The following ANKS1B variants were observed in gnomAD, a reference collection of about 807,000 sequenced individuals.
ANKS1B encodes the protein ankyrin repeat and sterile alpha motif domain-containing protein 1B.
ANKS1B carries 36 observed loss-of-function variants against 148.3 expected under a neutral mutation model. That is an observed-to-expected ratio of 0.24 (90% confidence interval 0.19 to 0.32). The LOEUF (loss-of-function observed/expected upper bound fraction) is 0.32. ANKS1B is among the 10% of genes least tolerant of loss of function. ANKS1B has a pLI of 1.00. For synonymous variants in ANKS1B, 542 were observed against 560.8 expected (o/e 0.97, Z 0.47); for missense variants, 1,157 against 1,542.6 (o/e 0.75, Z 4.19).
At chr12:99,136,186 T>C (rs550073037) in intron 15 of ANKS1B, among the ~76,000 whole-genome samples, 2 of 152,334 alleles carry the variant, frequency 1.3e-5, no homozygotes, top group African/African-American at 2.4e-5. Flanking sequence ...ACCATCATTA[T>C]CATGGGTGCC....
chr12:99,284,910 G>A (rs941123634), intron 12 of ANKS1B, among the ~76,000 whole-genome samples: 6 of 152,028 alleles, frequency 3.9e-5, no homozygotes, highest in African/African-American at 1.4e-4. Context: ...GCTTGTGTAT[G>A]TTTGTACATA....
rs140690996 is a variant in ANKS1B at position 99,916,715 on chromosome 12, C to CA, written c.134+67388dup. ...TGTGCCACCCTCAGAATGCTTCCTGCAAAAAAACCATACGGCTCATGGATG... is the reference window on the plus strand; with the variant it reads ...TGTGCCACCCTCAGAATGCTTCCTGCAAAAAAAACCATACGGCTCATGGATG... On this transcript the variant is annotated intron_variant, in intron 1 of 26. Transcript: ENST00000683438. 8.7e-3 allele frequency among the ~76,000 whole-genome samples: 1,327 copies of CA among 152,136 alleles called. 24 individuals carry two copies. Among genetic ancestry groups the CA allele is most frequent in the African/African-American group, 0.03 (1,259 of 41,520 alleles).
At chr12:99,215,309 G>A (rs1250970279) in intron 14 of ANKS1B, among the ~76,000 whole-genome samples, 1 of 152,222 alleles carries the variant, frequency 6.6e-6, no homozygotes, top group African/African-American at 2.4e-5. Context: ...CCCTCATGGG[G>A]AACTTCTGCT....
chr12:99,499,513 G>A (rs966509273), intron 10 of ANKS1B, among the ~76,000 whole-genome samples: 1 of 152,020 alleles, frequency 6.6e-6, no homozygotes. Flanking sequence ...CTTCATCAAG[G>A]GGAGGCAAGA....
chr12:99,326,408 C>T (rs1419780471), intron 12 of ANKS1B, among the ~76,000 whole-genome samples: 1 of 152,092 alleles, frequency 6.6e-6, no homozygotes, highest in Non-Finnish European at 1.5e-5. Flanking sequence ...AACAATGCTT[C>T]AGCTCACTCC....
intron 9 of ANKS1B, among the ~76,000 whole-genome samples, chr12:99,586,793 G>C (rs1446128372): frequency 1.3e-5 from 2 of 152,190 alleles, no homozygotes; most frequent in East Asian, 1.9e-4. Context: ...TGCAGGCAAA[G>C]AGTATGTGCG....
chr12:99,399,686 T>C lies in ANKS1B; in HGVS notation c.1701A>G (p.Pro567=). The change falls in exon 12 of 27, where the codon CCA becomes CCG. Residue 567 remains proline, a synonymous_variant. Transcript: ENST00000683438. ...CTGTGGTTCCCACAGAAGAGGTGGG[T>C]GGACTAGCAGGAGGACTGGCAGTAA... ...TSFTASPPAS[P]PTSSVGTTEV... is the part of the protein sequence containing the mutation. 1 of 1,613,478 alleles carries C rather than the reference T, an allele frequency of 6.2e-7. No individual in the cohort carries two copies. Among genetic ancestry groups the C allele is most frequent in the Non-Finnish European group, 8.5e-7 (1 of 1,179,506 alleles).
intron 12 of ANKS1B, among the ~76,000 whole-genome samples, chr12:99,262,343 A>T (rs192351060): frequency 4.2e-4 from 64 of 152,248 alleles, no homozygotes; most frequent in Admixed American, 2.0e-3. Context: ...AGGCTGGAAC[A>T]TAGTGGATAA....
intron 17 of ANKS1B, among the ~76,000 whole-genome samples, chr12:98,981,079 G>A (rs933035010): frequency 4.6e-5 from 7 of 151,882 alleles, no homozygotes; most frequent in Non-Finnish European, 1.0e-4. Flanking sequence ...GCTGAGGAGG[G>A]AGGACTGCTT....
chr12:99,109,835 G>A (rs1162426339), intron 15 of ANKS1B, among the ~76,000 whole-genome samples: 1 of 152,076 alleles, frequency 6.6e-6, no homozygotes, highest in Non-Finnish European at 1.5e-5. Flanking sequence ...CTCTTACAGT[G>A]GGGAAACAGT....
At chr12:99,813,885 A>G (rs1024957402) in intron 2 of ANKS1B, among the ~76,000 whole-genome samples, 17 of 151,902 alleles carry the variant, frequency 1.1e-4, no homozygotes, top group Middle Eastern at 3.4e-3. Context: ...GTGATTCCGG[A>G]GAAATGATAA....
chr12:99,639,202 T>G (rs1052137501), intron 9 of ANKS1B, among the ~76,000 whole-genome samples: 1 of 152,208 alleles, frequency 6.6e-6, no homozygotes, highest in Admixed American at 6.5e-5. Context: ...GACTACCCTA[T>G]TGGATTTCAG....
At position 99,658,720 on chromosome 12, in the gene ANKS1B, G is replaced by A. The variant is rs533044425; in HGVS notation, c.1129-3510C>T. Among the ~76,000 whole-genome samples the A allele has an allele frequency of 1.8e-4, 27 of 152,176 alleles. No individual in the cohort carries two copies. The East Asian group carries it at 4.4e-3, about 25-fold the overall frequency. On this transcript the variant is annotated intron_variant, in intron 8 of 26. Transcript: ENST00000683438. ...AATAGTGTAATCATTTCCACTTGCA[G>A]GGCTGTATGAAGATCAAATTAATTG...
intron 15 of ANKS1B, among the ~76,000 whole-genome samples, chr12:99,106,232 T>C (rs1364406150): frequency 6.6e-6 from 1 of 152,218 alleles, no homozygotes. Context: ...TATTCTAGTA[T>C]CTTCGCAACC....
At chr12:99,848,602 A>T (rs1193054326) in intron 1 of ANKS1B, among the ~76,000 whole-genome samples, 1 of 152,180 alleles carries the variant, frequency 6.6e-6, no homozygotes, top group Non-Finnish European at 1.5e-5. Flanking sequence ...GATGACATGG[A>T]AGTGAGGCAC....
intron 1 of ANKS1B, among the ~76,000 whole-genome samples, chr12:99,967,135 T>C (rs960399869): frequency 6.6e-6 from 1 of 152,208 alleles, no homozygotes; most frequent in Non-Finnish European, 1.5e-5. Flanking sequence ...ATAATTATGA[T>C]TTATAATTAT....
intron 1 of ANKS1B, among the ~76,000 whole-genome samples, chr12:99,828,423 A>C (rs2083474486): frequency 6.6e-6 from 1 of 152,162 alleles, no homozygotes; most frequent in Admixed American, 6.5e-5. Flanking sequence ...AACACTATGA[A>C]CTCAGAGCTT....
At chr12:99,303,688 A>C (rs2081979322) in intron 12 of ANKS1B, among the ~76,000 whole-genome samples, 1 of 152,042 alleles carries the variant, frequency 6.6e-6, no homozygotes. Flanking sequence ...TTACATGGAT[A>C]AGTTCTTCAG....
chr12:99,497,547 G>A (rs1233667038), intron 10 of ANKS1B, among the ~76,000 whole-genome samples: 2 of 152,114 alleles, frequency 1.3e-5, no homozygotes, highest in Non-Finnish European at 2.9e-5. Flanking sequence ...GCCTTTTCCT[G>A]TTATATCTTC....
Sources: gnomAD v4.1 joint callset for allele counts (sites outside exome capture counted in the v4.1 genomes callset) on GRCh38, gnomAD v4.1.1 for gene constraint, MANE v1.5 for transcripts, NCBI Gene and HGNC (gene_info 2026-07-23, HGNC 2026-07-21) for gene names.